Variants in SLC28A3 observed in about 807,000 individuals in gnomAD.
SLC28A3 encodes solute carrier family 28 member 3.
SLC28A3 carries 68 observed loss-of-function variants against 84.2 expected under a neutral mutation model. The observed-to-expected ratio is 0.81, with a 90% CI of 0.66 to 0.99. The LOEUF (loss-of-function observed/expected upper bound fraction) is 0.99, where lower values mean the gene tolerates loss of function less well. Among genes scored for constraint, SLC28A3 ranks in the 50% least tolerant of loss-of-function variants. The pLI is 0.00. For synonymous variants in SLC28A3, 267 were observed against 303.6 expected (o/e 0.88, Z 1.25); for missense variants, 712 against 841.5 (o/e 0.85, Z 1.90).
chr9:84,288,906 G>A (rs1825103977), intron 11 of SLC28A3, among the ~76,000 whole-genome samples: 1 of 152,122 alleles, frequency 6.6e-6, no homozygotes, highest in African/African-American at 2.4e-5. Flanking sequence ...AGGGACTCAT[G>A]ATTCATGTGC....
At chr9:84,287,916 T>C (rs1052395189) in intron 12 of SLC28A3, 132 bp downstream of exon 12, 9 of 1,216,422 alleles carry the variant, frequency 7.4e-6, no homozygotes, top group Non-Finnish European at 1.0e-5. Flanking sequence ...GAAGTCTAAA[T>C]AGTCTTTGGA....
chr9:84,365,173 A>C, the SLC28A3 span, among the ~76,000 whole-genome samples: 4 of 152,210 alleles, frequency 2.6e-5, no homozygotes, highest in South Asian at 8.3e-4. Flanking sequence ...CTTCATTCTC[A>C]CCAGCATTTG....
chr9:84,354,003 A>C, the SLC28A3 span, among the ~76,000 whole-genome samples: 8 of 152,232 alleles, frequency 5.3e-5, no homozygotes, highest in Admixed American at 5.2e-4. Flanking sequence ...ATAGCTGTAC[A>C]TACTGAGATA....
the SLC28A3 span, among the ~76,000 whole-genome samples, chr9:84,351,148 T>C: frequency 0.02 from 3,094 of 152,320 alleles, 113 homozygotes; most frequent in African/African-American, 0.07. Context: ...AGCATATATA[T>C]AACTTTTTAA....
chr9:84,310,621 G>A (rs971575667), intron 2 of SLC28A3: 4 of 980,136 alleles, frequency 4.1e-6, no homozygotes, highest in Non-Finnish European at 4.8e-6. Flanking sequence ...AATCATTAGT[G>A]TGTGTCTGAG....
chr9:84,348,429 G>A, the SLC28A3 span, among the ~76,000 whole-genome samples: 1 of 151,476 alleles, frequency 6.6e-6, no homozygotes, highest in African/African-American at 2.4e-5. Flanking sequence ...ACACTCACTA[G>A]CTGCAAGCTT....
At chr9:84,340,939 T>G (rs1435441201), upstream of SLC28A3, among the ~76,000 whole-genome samples, 1 of 151,700 alleles carries the variant, frequency 6.6e-6, no homozygotes, top group Non-Finnish European at 1.5e-5. Flanking sequence ...ACTCTTGTGG[T>G]GCACAAAACA....
upstream of SLC28A3, among the ~76,000 whole-genome samples, chr9:84,344,417 G>C (rs1226613913): frequency 6.6e-6 from 1 of 152,002 alleles, no homozygotes; most frequent in East Asian, 1.9e-4. Context: ...TTGAACTCCT[G>C]ATCTCAAGTG....
the SLC28A3 span, among the ~76,000 whole-genome samples, chr9:84,360,022 A>G: frequency 2.0e-5 from 3 of 151,146 alleles, no homozygotes; most frequent in African/African-American, 7.3e-5. Context: ...AAAAAAAAAA[A>G]AGAAGTCTTA....
At chr9:84,290,622 C>T (rs1181468876) in intron 10 of SLC28A3, among the ~76,000 whole-genome samples, 19 of 152,034 alleles carry the variant, frequency 1.2e-4, no homozygotes, top group Admixed American at 1.1e-3. Context: ...TTGTAAAATT[C>T]GTGAGGCTAG....
chr9:84,333,902 A>G (rs981896846), intron 1 of SLC28A3, among the ~76,000 whole-genome samples: 3 of 152,358 alleles, frequency 2.0e-5, no homozygotes, highest in Non-Finnish European at 4.4e-5. Context: ...TTAATAACGC[A>G]AATGTCCACT....
At chr9:84,326,272 T>C (rs1362093472) in intron 1 of SLC28A3, among the ~76,000 whole-genome samples, 2 of 152,082 alleles carry the variant, frequency 1.3e-5, no homozygotes, top group African/African-American at 4.8e-5. Context: ...AACAAGATGG[T>C]TCAGCAGGGA....
chr9:84,323,426 ATTTTTTTT>A, intron 1 of SLC28A3, among the ~76,000 whole-genome samples: 1 of 141,176 alleles, frequency 7.1e-6, no homozygotes, highest in East Asian at 2.1e-4. Flanking sequence ...TCAGTACATG[ATTTTTTTT>A]TTTTTTTTGA....
At chr9:84,315,737 C>G (rs1395177129) in intron 1 of SLC28A3, among the ~76,000 whole-genome samples, 7 of 152,160 alleles carry the variant, frequency 4.6e-5, no homozygotes, top group Non-Finnish European at 8.8e-5. Flanking sequence ...TGACTGGTAC[C>G]TGGAAAATGA....
In SLC28A3 at chr9:84,277,121, T is replaced by A. The variant is rs1348613352; in HGVS notation, c.*1097A>T. On this transcript the variant is annotated 3_prime_UTR_variant, in exon 18 of 18. Transcript: ENST00000376238. Reference sequence around the variant, plus strand: ...CCAGGACTTTTTTTCCTCAACTGCTTCTTACACGGCTTTTGATTGAAGAGT... The same window carrying A: ...CCAGGACTTTTTTTCCTCAACTGCTACTTACACGGCTTTTGATTGAAGAGT... The A allele has an allele frequency of 1.3e-5, 2 of 152,244 alleles. No individual in the cohort carries two copies. The highest frequency in any genetic ancestry group is 4.8e-5 in the African/African-American group (2 of 41,462). The allele number at this position is 152,244 out of a possible 1,614,324, so 9.4% of individuals were successfully genotyped here. A position where few individuals can be genotyped will look rare whatever the true frequency, so the allele number is the denominator to read the frequency against.
intron 9 of SLC28A3, among the ~76,000 whole-genome samples, chr9:84,293,367 T>C (rs554043165): frequency 2.6e-5 from 4 of 152,348 alleles, no homozygotes; most frequent in Non-Finnish European, 5.9e-5. Flanking sequence ...GACAAGAGCA[T>C]AACAATTCTG....
At chr9:84,352,205 AC>A in the SLC28A3 span, among the ~76,000 whole-genome samples, 1 of 151,920 alleles carries the variant, frequency 6.6e-6, no homozygotes, top group Admixed American at 6.6e-5. Flanking sequence ...TTTTTTTAAG[AC>A]AGAGTCTCGC....
At chr9:84,360,836 A>G in the SLC28A3 span, among the ~76,000 whole-genome samples, 276 of 152,206 alleles carry the variant, frequency 1.8e-3, 2 homozygotes, top group African/African-American at 6.4e-3. Context: ...GGATCGCTTG[A>G]GCCTAGGAGG....
intron 1 of SLC28A3, among the ~76,000 whole-genome samples, chr9:84,322,920 T>C (rs1467633951): frequency 6.6e-6 from 1 of 152,164 alleles, no homozygotes; most frequent in Non-Finnish European, 1.5e-5. Context: ...TCAGAATGAC[T>C]CAAGATGTTA....
Sources: allele counts gnomAD v4.1 joint callset (sites outside exome capture counted in the v4.1 genomes callset), GRCh38; gene constraint gnomAD v4.1.1; transcripts MANE v1.5; gene names NCBI Gene and HGNC (gene_info 2026-07-23, HGNC 2026-07-21).